Variants in DCC observed in about 807,000 individuals in gnomAD.
The protein encoded by DCC is DCC netrin 1 receptor, also known as netrin receptor DCC.
In DCC, 58 loss-of-function variants were observed where a neutral mutation model predicts 172.5. The observed-to-expected ratio is 0.34, with a 90% CI of 0.27 to 0.42. The LOEUF (loss-of-function observed/expected upper bound fraction) is 0.42, where lower values mean the gene tolerates loss of function less well. DCC is among the 10% of genes least tolerant of loss of function. The probability of loss-of-function intolerance (pLI) is 1.00; values close to 1 mark genes in which losing one functional copy is unlikely to be tolerated. For missense variants in DCC, 1,740 were observed against 1,791.0 expected (o/e 0.97, Z 0.51); for synonymous variants, 709 against 644.5 (o/e 1.10, Z -1.52).
intron 5 of DCC, among the ~76,000 whole-genome samples, chr18:52,939,355 T>C (rs202092517): frequency 2.6e-5 from 4 of 152,140 alleles, no homozygotes; most frequent in African/African-American, 9.6e-5. Context: ...GTTACTGTTA[T>C]GCAGTTATTT....
intron 1 of DCC, among the ~76,000 whole-genome samples, chr18:52,539,237 G>A (rs755522966): frequency 6.6e-6 from 1 of 152,038 alleles, no homozygotes; most frequent in Non-Finnish European, 1.5e-5. Context: ...TGAATTTCTA[G>A]GTAAAGTTCT....
At chr18:53,105,397 C>CTTAG (rs1246912406) in intron 7 of DCC, among the ~76,000 whole-genome samples, 2 of 151,982 alleles carry the variant, frequency 1.3e-5, no homozygotes, top group African/African-American at 4.8e-5. Context: ...TCGGAAAGAT[C>CTTAG]TTAGTCACAG....
intron 1 of DCC, among the ~76,000 whole-genome samples, chr18:52,565,927 A>C (rs2033150056): frequency 1.3e-5 from 2 of 152,110 alleles, no homozygotes; most frequent in African/African-American, 2.4e-5. Context: ...CTATGTCCTC[A>C]ATGGTATTGC....
At chr18:53,403,231 T>A (rs1679692254) in intron 19 of DCC, among the ~76,000 whole-genome samples, 1 of 152,178 alleles carries the variant, frequency 6.6e-6, no homozygotes, top group Non-Finnish European at 1.5e-5. Context: ...TGAGTATAAA[T>A]GTCTATAAAG....
intron 1 of DCC, among the ~76,000 whole-genome samples, chr18:52,540,169 C>A (rs1357953974): frequency 1.3e-5 from 2 of 152,216 alleles, no homozygotes; most frequent in African/African-American, 4.8e-5. Flanking sequence ...GGAGCAGTGT[C>A]TTATGCCCAT....
rs112907589 is a variant in DCC, at chr18:53,384,323, T to C, written c.2360-1720T>C. ...TAAAATGTTATATAAAGCCTGATAA[T>C]CTAATTTTTTTTTCTAAGTCATATA... On this transcript the variant is annotated intron_variant, in intron 15 of 28. Coordinates refer to ENST00000442544, the MANE Select transcript of DCC (RefSeq NM_005215.4). Among the ~76,000 whole-genome samples the C allele has an allele frequency of 2.1e-3, 326 of 152,302 alleles. 3 individuals are homozygous for C. The highest frequency in any genetic ancestry group is 7.4e-3 in the African/African-American group (307 of 41,594).
chr18:53,408,899 C>T (rs962788165), intron 19 of DCC, among the ~76,000 whole-genome samples: 9 of 152,154 alleles, frequency 5.9e-5, no homozygotes, highest in African/African-American at 2.2e-4. Context: ...CTTAATCCTA[C>T]GTAATCAGAA....
intron 12 of DCC, among the ~76,000 whole-genome samples, chr18:53,278,877 C>T (rs923223735): frequency 6.6e-6 from 1 of 152,140 alleles, no homozygotes; most frequent in Non-Finnish European, 1.5e-5. Flanking sequence ...AAAGAACTGA[C>T]AGCTGTTAAG....
chr18:53,242,822 C>A (rs942639861), intron 12 of DCC, among the ~76,000 whole-genome samples: 1 of 151,878 alleles, frequency 6.6e-6, no homozygotes, highest in African/African-American at 2.4e-5. Context: ...ATAAAAGTAT[C>A]CTTATCCTCC....
At chr18:52,793,859 C>A (rs951766928) in intron 2 of DCC, among the ~76,000 whole-genome samples, 1 of 152,150 alleles carries the variant, frequency 6.6e-6, no homozygotes, top group African/African-American at 2.4e-5. Flanking sequence ...CCTGTGAGCA[C>A]TTAGTTTTCC....
chr18:52,441,491 T>C (rs1482911980), intron 1 of DCC, among the ~76,000 whole-genome samples: 1 of 152,196 alleles, frequency 6.6e-6, no homozygotes, highest in Non-Finnish European at 1.5e-5. Flanking sequence ...TTTTAAATCC[T>C]ATCACCATAA....
chr18:52,973,982 T>C (rs910260657), intron 5 of DCC, among the ~76,000 whole-genome samples: 1 of 152,146 alleles, frequency 6.6e-6, no homozygotes, highest in Non-Finnish European at 1.5e-5. Context: ...TGTGTGTGTT[T>C]AAATAACAGA....
rs957882975 is a variant in DCC, at chr18:52,913,497, G to GT, written c.697+7178dup. 4.3e-4 allele frequency among the ~76,000 whole-genome samples: 65 copies of GT among 151,132 alleles called. 1 individual carries two copies. The highest frequency in any genetic ancestry group is 1.9e-3 in the South Asian group (9 of 4,784). On this transcript the variant is annotated intron_variant, in intron 3 of 28. Coordinates refer to ENST00000442544, the MANE Select transcript of DCC (RefSeq NM_005215.4). ...GATCTCCCCCTCAGCAAATCAACCA[G>GT]TTTTTTTTTCTATTTTTATTGTTGA...
At chr18:52,371,707 A>T (rs1985130676) in intron 1 of DCC, among the ~76,000 whole-genome samples, 1 of 152,152 alleles carries the variant, frequency 6.6e-6, no homozygotes, top group Admixed American at 6.5e-5. Flanking sequence ...AAAAAATAGA[A>T]TTGGTTTGGA....
intron 2 of DCC, among the ~76,000 whole-genome samples, chr18:52,788,785 A>G (rs1019139432): frequency 6.6e-6 from 1 of 152,202 alleles, no homozygotes; most frequent in African/African-American, 2.4e-5. Context: ...AAACAGGCAC[A>G]GCTGAAGGCA....
chr18:53,229,336 T>C (rs1201876516), intron 12 of DCC, among the ~76,000 whole-genome samples: 1 of 152,168 alleles, frequency 6.6e-6, no homozygotes, highest in Non-Finnish European at 1.5e-5. Context: ...TTGTTAATGT[T>C]TTAAGAATTT....
At chr18:52,857,683 T>C (rs1201022451) in intron 2 of DCC, among the ~76,000 whole-genome samples, 1 of 152,164 alleles carries the variant, frequency 6.6e-6, no homozygotes, top group Non-Finnish European at 1.5e-5. Flanking sequence ...AATTGATCTC[T>C]TCTCTGGTGG....
intron 2 of DCC, among the ~76,000 whole-genome samples, chr18:52,801,481 T>C (rs983107549): frequency 6.6e-6 from 1 of 152,220 alleles, no homozygotes; most frequent in South Asian, 2.1e-4. Flanking sequence ...GGGTTAATCA[T>C]TTTACAAAAC....
chr18:53,353,952 C>A (rs759071031), intron 15 of DCC, among the ~76,000 whole-genome samples: 169 of 152,224 alleles, frequency 1.1e-3, no homozygotes, highest in Non-Finnish European at 2.1e-3. Context: ...GTGATGTTCC[C>A]CTTCCTGTGT....
Sources: gnomAD v4.1 joint callset for allele counts (sites outside exome capture counted in the v4.1 genomes callset) on GRCh38, gnomAD v4.1.1 for gene constraint, MANE v1.5 for transcripts, NCBI Gene and HGNC (gene_info 2026-07-23, HGNC 2026-07-21) for gene names.